ZNF814: variants seen among roughly 807,000 people sequenced by gnomAD.
ZNF814 encodes the protein zinc finger protein 814.
ZNF814 carries 5 observed loss-of-function variants against 7.5 expected under a neutral mutation model. The ratio of observed to expected loss-of-function variants is 0.67; its 90% CI spans 0.35 to 1.40. ZNF814 has a LOEUF of 1.40. Among genes scored for constraint, ZNF814 ranks in the 40% most tolerant of loss-of-function variants. The probability of loss-of-function intolerance (pLI) is 0.04; values close to 1 mark genes in which losing one functional copy is unlikely to be tolerated. For synonymous variants in ZNF814, 315 were observed against 340.7 expected, an observed-to-expected ratio of 0.92 and a Z score of 0.83; for missense variants, 962 against 1,018.0, an observed-to-expected ratio of 0.94 and a Z score of 0.75.
At chr19:57,891,103 G>GGTCGTCCTCACTGCAACACTCCCATC (rs2071732113), upstream of ZNF814, among the ~76,000 whole-genome samples, 1 of 152,100 alleles carries the variant, frequency 6.6e-6, no homozygotes, top group Non-Finnish European at 1.5e-5. Context: ...AGTGACCTCT[G>GGTCGTCCTCACTGCAACACTCCCATC]GTCGTCCTCA....
At position 57,873,352 on chromosome 19, in the gene ZNF814, G is replaced by T; in HGVS notation, c.2038C>A (p.His680Asn). Residue 680 changes from histidine to asparagine, a missense_variant, in exon 3 of 3, where the codon CAT becomes AAT. By Grantham distance (68) the His-to-Asn change is moderately conservative (BLOSUM62 1). This residue lies in a region of ZNF814 where 665 missense variants were observed against 551.4 expected (regional missense o/e 1.21). Coordinates refer to ENST00000435989, the MANE Select transcript of ZNF814 (RefSeq NM_001144989.2). The part of the protein sequence containing the change: ...SHKGNLILHQ[H>N]GHTGERPYVC... ...TAAGGTCTTTCTCCAGTATGGCCAT[G>T]CTGGTGTAGAATGAGGTTACCCTTG... is the stretch of plus-strand genomic sequence containing the variant. The T allele has an allele frequency of 6.3e-7, 1 of 1,597,688 alleles. No individual in the cohort carries two copies. Among genetic ancestry groups the T allele is most frequent in the Admixed American group, 1.8e-5 (1 of 56,110 alleles).
the ZNF814 span, chr19:57,901,804 TA>T: frequency 5.0e-6 from 2 of 398,462 alleles, no homozygotes; most frequent in African/African-American, 4.1e-5. Context: ...CTCCCTACTG[TA>T]AAAGCAACTC....
At chr19:57,883,351 C>T (rs1262104601) in intron 1 of ZNF814, among the ~76,000 whole-genome samples, 1 of 134,642 alleles carries the variant, frequency 7.4e-6, no homozygotes, top group Admixed American at 7.8e-5. Flanking sequence ...CAGCGAGACT[C>T]CATCTCAAAA....
Position 57,873,018 on chromosome 19 carries a change from TTG to T in ZNF814, c.2370_2371del (p.His790GlnfsTer11). 1 of 1,613,874 alleles carries T rather than the reference TTG, an allele frequency of 6.2e-7. No homozygotes were observed. The highest frequency in any genetic ancestry group is 8.5e-7 in the Non-Finnish European group (1 of 1,179,860). On this transcript the variant is annotated frameshift_variant, in exon 3 of 3. Coordinates refer to ENST00000435989, the MANE Select transcript of ZNF814 (RefSeq NM_001144989.2). LOFTEE classifies it low-confidence loss of function (END_TRUNC). ...AGGCTTTTCTCCAGTGTGAACTCTT[TTG>T]TGTTTTGTGAAACTGGAGCTTTCAG...
At chr19:57,889,864 GA>G (rs1337529689), upstream of ZNF814, among the ~76,000 whole-genome samples, 2 of 149,210 alleles carry the variant, frequency 1.3e-5, no homozygotes, top group Non-Finnish European at 3.0e-5. Flanking sequence ...CTCCATGTTG[GA>G]AAAAAAAATA....
chr19:57,877,468 A>C (rs2071615833), intron 1 of ZNF814, among the ~76,000 whole-genome samples: 1 of 152,116 alleles, frequency 6.6e-6, no homozygotes, highest in Non-Finnish European at 1.5e-5. Flanking sequence ...TGTTTGAGAC[A>C]GAGTCTCACT....
the ZNF814 span, among the ~76,000 whole-genome samples, chr19:57,902,970 C>T: frequency 1.3e-5 from 2 of 152,212 alleles, no homozygotes; most frequent in Admixed American, 6.5e-5. Flanking sequence ...TGAGCCACCC[C>T]GCCAGGCCGG....
the ZNF814 span, among the ~76,000 whole-genome samples, chr19:57,894,174 A>G: frequency 1.3e-5 from 2 of 151,700 alleles, no homozygotes; most frequent in African/African-American, 2.4e-5. Context: ...AGAGCTCAAG[A>G]CTATCCTGGC....
chr19:57,884,415 C>T (rs1336045942), intron 1 of ZNF814, among the ~76,000 whole-genome samples: 1 of 152,104 alleles, frequency 6.6e-6, no homozygotes, highest in Non-Finnish European at 1.5e-5. Context: ...GAGTTTATAA[C>T]CACCCTGTTT....
intron 2 of ZNF814, 110 bp downstream of exon 2, chr19:57,876,806 G>A (rs2071610415): frequency 6.5e-7 from 1 of 1,542,770 alleles, no homozygotes; most frequent in African/African-American, 1.4e-5. Flanking sequence ...CCACAGAACT[G>A]AAGCAGGAAG....
At chr19:57,879,590 G>A (rs2071635685) in intron 1 of ZNF814, among the ~76,000 whole-genome samples, 1 of 147,766 alleles carries the variant, frequency 6.8e-6, no homozygotes, top group East Asian at 2.0e-4. Context: ...CATGGCTAAC[G>A]CACCTTAGTC....
At chr19:57,905,047 C>CAAAA in the ZNF814 span, among the ~76,000 whole-genome samples, 86 of 53,172 alleles carry the variant, frequency 1.6e-3, no homozygotes, top group Non-Finnish European at 2.0e-3. Context: ...AACTCCGTCT[C>CAAAA]AAAAAAAAAA....
chr19:57,898,425 G>A, the ZNF814 span, among the ~76,000 whole-genome samples: 1,041 of 152,244 alleles, frequency 6.8e-3, 14 homozygotes, highest in African/African-American at 0.023. Context: ...GAACTAAAAG[G>A]GCGAACAGAT....
intron 1 of ZNF814, 64 bp downstream of exon 1, chr19:57,888,700 CGCT>C (rs2071713728): frequency 1.3e-6 from 2 of 1,539,346 alleles, no homozygotes; most frequent in African/African-American, 2.8e-5. Flanking sequence ...CGTGAACAGG[CGCT>C]GCTACCTCGC....
intron 1 of ZNF814, among the ~76,000 whole-genome samples, chr19:57,884,794 G>A (rs1253168172): frequency 2.0e-5 from 3 of 152,166 alleles, no homozygotes; most frequent in Non-Finnish European, 2.9e-5. Context: ...AGGACCTCTC[G>A]TACACTGTTG....
the ZNF814 span, among the ~76,000 whole-genome samples, chr19:57,894,835 GAA>G: frequency 8.2e-6 from 1 of 121,234 alleles, no homozygotes; most frequent in Admixed American, 8.5e-5. Flanking sequence ...CTCCGTCTCA[GAA>G]AAAAAAAAAA....
At chr19:57,885,187 T>C (rs1782357894) in intron 1 of ZNF814, among the ~76,000 whole-genome samples, 1 of 151,792 alleles carries the variant, frequency 6.6e-6, no homozygotes, top group Non-Finnish European at 1.5e-5. Flanking sequence ...CCAGGTGTGG[T>C]GGCACACGTG....
the ZNF814 span, among the ~76,000 whole-genome samples, chr19:57,904,840 C>T: frequency 2.0e-5 from 3 of 151,866 alleles, no homozygotes; most frequent in African/African-American, 4.8e-5. Flanking sequence ...CACCTGAGGT[C>T]GAGCGTTCCT....
intron 1 of ZNF814, among the ~76,000 whole-genome samples, chr19:57,878,371 T>C (rs1369932385): frequency 6.6e-6 from 1 of 151,318 alleles, no homozygotes; most frequent in Non-Finnish European, 1.5e-5. Context: ...ACTCTGGACA[T>C]AAAAATGGAA....
Sources: gnomAD v4.1 joint callset for allele counts (sites outside exome capture counted in the v4.1 genomes callset) on GRCh38, gnomAD v4.1.1 for gene constraint, gnomAD v4.1.1 regional missense constraint, MANE v1.5 for transcripts, NCBI Gene and HGNC (gene_info 2026-07-23, HGNC 2026-07-21) for gene names.